The following KANK2 variants were observed in gnomAD, a reference collection of about 807,000 sequenced individuals.
KANK2 encodes the protein KN motif and ankyrin repeat domains 2.
In KANK2, 41 loss-of-function variants were observed where a neutral mutation model predicts 74.6. That is an observed-to-expected ratio of 0.55 (90% CI 0.43 to 0.71). The LOEUF (loss-of-function observed/expected upper bound fraction) is 0.71. KANK2 is among the 30% of genes least tolerant of loss of function. The pLI is 0.00. For missense variants in KANK2, 1,148 were observed against 1,196.4 expected (o/e 0.96, Z 0.60); for synonymous variants, 537 against 519.0 (o/e 1.03, Z -0.47).
At position 11,170,355 on chromosome 19, in the gene KANK2, C is replaced by G. The variant is rs1343998634; in HGVS notation, c.2212-107G>C. On this transcript the variant is annotated intron_variant, in intron 10 of 12. Coordinates refer to ENST00000586659, the MANE Select transcript of KANK2 (RefSeq NM_001136191.3). The surrounding 1 kb of genome is among the most constrained non-coding windows in gnomAD (Gnocchi z 5.2). ...CCACATACTCTGATGGTGAAATGTA[C>G]CCTCAACTTGCTGATCTCCTCCTGA... is the stretch of plus-strand genomic sequence containing the variant. 1.2e-6 allele frequency: 1 copy of G among 828,854 alleles called. No homozygotes were observed. The highest frequency in any genetic ancestry group is 2.6e-5 in the East Asian group (1 of 38,152). The allele number at this position is 828,854 out of a possible 1,614,324, so 51.3% of individuals were successfully genotyped here. A position where few individuals can be genotyped will look rare whatever the true frequency, so the allele number is the denominator to read the frequency against.
rs2078930631 is a variant in KANK2, at chr19:11,193,727, C to T, written c.353G>A (p.Gly118Asp). Residue 118 changes from glycine (G) to aspartate (D), a missense_variant, in exon 4 of 13, where the codon GGT becomes GAT. Physicochemically the swap from Gly to Asp is moderately conservative, Grantham distance 94. Transcript: ENST00000586659. The surrounding 1 kb of genome is among the most constrained non-coding windows in gnomAD (Gnocchi z 9.6). ...GCGCTCCACCCGCGGATTGAAGCCA[C>T]CGCGGGTCTCCAGAGCACCATACTG... is the stretch of plus-strand genomic sequence containing the variant. ...YPQYGALETR[G>D]GFNPRVERTL... 1.2e-6 allele frequency: 2 copies of T among 1,612,284 alleles called. No individual in the cohort carries two copies. Among genetic ancestry groups the T allele is most frequent in the African/African-American group, 2.7e-5 (2 of 74,910 alleles).
Position 11,194,010 on chromosome 19 carries a change from G to A in KANK2, c.70C>T (p.Pro24Ser). ...TPGPASPPAFPAKDPDPPYSV... is the reference protein window; with the variant it reads ...TPGPASPPAFSAKDPDPPYSV... ...TAGGGTGGATCGGGGTCCTTGGCAG[G>A]GAAGGCAGGTGGGGAGGCTGGGCCA... The change falls in exon 4 of 13, where the codon CCT (proline) becomes TCT (serine). Residue 24 changes from proline to serine, a missense_variant. By Grantham distance (74) the Pro-to-Ser change is moderately conservative. Coordinates refer to ENST00000586659, the MANE Select transcript of KANK2 (RefSeq NM_001136191.3). 6.2e-7 allele frequency: 1 copy of A among 1,611,816 alleles called. No homozygotes were observed.
At position 11,166,505 on chromosome 19, in the gene KANK2, G is replaced by A. The variant is rs2078025335; in HGVS notation, c.*53C>T. The A allele has an allele frequency of 1.2e-5, 19 of 1,532,094 alleles. No homozygotes were observed. Among genetic ancestry groups the A allele is most frequent in the Admixed American group, 3.3e-5 (2 of 59,802 alleles). 94.9% of individuals were successfully genotyped at this position (1,532,094 alleles called of 1,614,324 possible). The stretch of plus-strand genomic sequence containing the variant: ...GGAGGAACGGGAACAGGGAGGAGAC[G>A]GGGACAAGGGACGGTTTGCTCCCGG... On this transcript the variant is annotated 3_prime_UTR_variant, in exon 13 of 13. Transcript: ENST00000586659.
At chr19:11,191,598 C>A (rs2078847894) in intron 4 of KANK2, among the ~76,000 whole-genome samples, 2 of 152,198 alleles carry the variant, frequency 1.3e-5, no homozygotes, top group East Asian at 3.9e-4. Context: ...CAATGAGGGC[C>A]CCCTCTGGGA....
intron 12 of KANK2, among the ~76,000 whole-genome samples, chr19:11,167,279 G>A (rs1401671601): frequency 6.6e-6 from 1 of 152,014 alleles, no homozygotes; most frequent in East Asian, 1.9e-4. Context: ...TGGTCAGTCT[G>A]GTCTCAAACT....
At chr19:11,188,775 A>T (rs902205081) in intron 4 of KANK2, among the ~76,000 whole-genome samples, 3 of 151,994 alleles carry the variant, frequency 2.0e-5, no homozygotes, top group African/African-American at 7.2e-5. Context: ...CAAGGTTAGG[A>T]GTTCAAGACC....
intron 10 of KANK2, among the ~76,000 whole-genome samples, chr19:11,171,568 G>A (rs1600806828): frequency 6.6e-6 from 1 of 151,282 alleles, no homozygotes; most frequent in Non-Finnish European, 1.5e-5. Flanking sequence ...GTGGGGGGGT[G>A]TCTCTAGGTT....
At position 11,178,464 on chromosome 19, in the gene KANK2, C is replaced by A. The variant is rs567755939; in HGVS notation, c.1418-17G>T. 1.9e-6 allele frequency: 3 copies of A among 1,600,964 alleles called. No homozygotes were observed. Among genetic ancestry groups the A allele is most frequent in the Admixed American group, 1.7e-5 (1 of 57,400 alleles). ...GGGGCCCGCCTGGAGGGGAGGACAG[C>A]GGAGGTGCTGTGAGAGTCCTTCAGG... On this transcript the variant is annotated splice_polypyrimidine_tract_variant and intron_variant, in intron 5 of 12. Transcript: ENST00000586659.
At position 11,164,790 on chromosome 19, in the gene KANK2, T is replaced by C. The variant is rs2077987314; in HGVS notation, c.*1768A>G. 1 of 152,056 alleles carries C rather than the reference T, an allele frequency of 6.6e-6. No homozygotes were observed. Among genetic ancestry groups the C allele is most frequent in the South Asian group, 2.1e-4 (1 of 4,820 alleles). 9.4% of individuals were successfully genotyped at this position (152,056 alleles called of 1,614,324 possible). A position where few individuals can be genotyped will look rare whatever the true frequency, so the allele number is the denominator to read the frequency against. ...GTCTCCTTTGACCAGCCAAGCCCTA[T>C]TTTGTTTTACGTACATTCCCTTCAC... On this transcript the variant is annotated 3_prime_UTR_variant, in exon 13 of 13. Coordinates refer to ENST00000586659, the MANE Select transcript of KANK2 (RefSeq NM_001136191.3).
At chr19:11,183,658 T>C (rs535503022) in intron 4 of KANK2, among the ~76,000 whole-genome samples, 2 of 151,766 alleles carry the variant, frequency 1.3e-5, no homozygotes, top group Admixed American at 6.6e-5. Context: ...CCAGCTAATT[T>C]TTTTTTTTTT....
intron 4 of KANK2, among the ~76,000 whole-genome samples, chr19:11,188,341 T>G (rs1374011479): frequency 6.6e-6 from 1 of 151,880 alleles, no homozygotes. Flanking sequence ...CCCAAGTAGC[T>G]GGGATTACAG....
intron 4 of KANK2, among the ~76,000 whole-genome samples, chr19:11,178,972 G>A (rs114440814): frequency 1.4e-4 from 21 of 152,302 alleles, no homozygotes; most frequent in African/African-American, 5.1e-4. Flanking sequence ...GTCAGGGACA[G>A]GGACAACCCT....
rs74413701 is a variant in KANK2 at position 11,189,924 on chromosome 19, A to G, written c.1249+2907T>C. ...AACCTCAGGACCTGGTGTTTGGGATAGACACAGAACAGGCGGGTGGTGTCC... is the reference window on the plus strand; with the variant it reads ...AACCTCAGGACCTGGTGTTTGGGATGGACACAGAACAGGCGGGTGGTGTCC... On this transcript the variant is annotated intron_variant, in intron 4 of 12. Coordinates refer to ENST00000586659, the MANE Select transcript of KANK2 (RefSeq NM_001136191.3). Among the ~76,000 whole-genome samples the G allele has an allele frequency of 4.9e-3, 748 of 152,226 alleles. 7 individuals carry two copies. The highest frequency in any genetic ancestry group is 0.017 in the African/African-American group (702 of 41,526).
rs1036852423 is a variant in KANK2 at position 11,166,431 on chromosome 19, G to A, written c.*127C>T. The A allele has an allele frequency of 1.5e-5, 12 of 822,444 alleles. No individual in the cohort carries two copies. Among genetic ancestry groups the A allele is most frequent in the South Asian group, 4.7e-5 (3 of 63,290 alleles). The allele number at this position is 822,444 out of a possible 1,614,324, so 50.9% of individuals were successfully genotyped here. On this transcript the variant is annotated 3_prime_UTR_variant, in exon 13 of 13. Transcript: ENST00000586659. ...CCCCAGGGAAGCAGAGGGAGAGCTC[G>A]CTTGCCTTTGAGCCGTGGGCCTTGG...
At chr19:11,194,357 C>A in intron 3 of KANK2, 118 bp downstream of exon 3, 1 of 798,334 alleles carries the variant, frequency 1.3e-6, no homozygotes, top group Admixed American at 2.3e-5. Context: ...CTCCCTCAGA[C>A]CTCTAATTGT....
At chr19:11,172,376 C>T (rs2078202572) in intron 10 of KANK2, among the ~76,000 whole-genome samples, 1 of 152,220 alleles carries the variant, frequency 6.6e-6, no homozygotes, top group South Asian at 2.1e-4. Context: ...TATGCCCCGT[C>T]ACAGCTCCAT....
At chr19:11,190,153 T>TC (rs2078799683) in intron 4 of KANK2, among the ~76,000 whole-genome samples, 1 of 151,260 alleles carries the variant, frequency 6.6e-6, no homozygotes, top group Non-Finnish European at 1.5e-5. Context: ...TTTCTTTTTT[T>TC]TGAGATGGAG....
At chr19:11,186,975 T>G (rs1229111704) in intron 4 of KANK2, among the ~76,000 whole-genome samples, 2 of 151,318 alleles carry the variant, frequency 1.3e-5, no homozygotes, top group African/African-American at 2.4e-5. Flanking sequence ...GAGAAGAGGG[T>G]AGGTGGGTGG....
chr19:11,193,326 G>A lies in KANK2; in HGVS notation c.754C>T (p.Leu252Phe), dbSNP rs763092661. The change falls in exon 4 of 13, where the codon CTC (leucine) becomes TTC (phenylalanine). Residue 252 changes from leucine (L) to phenylalanine (F), a missense_variant. Coordinates refer to ENST00000586659, the MANE Select transcript of KANK2 (RefSeq NM_001136191.3). This position sits in a 1 kb window ranked among gnomAD's most constrained non-coding sequence, Gnocchi z 9.6. Reference sequence around the variant, plus strand: ...ACTGGGTCCTCTGGGGGATCGGGGAGGTCCAGGCAGAGCTCGCTGCGACCC... The same window carrying A: ...ACTGGGTCCTCTGGGGGATCGGGGAAGTCCAGGCAGAGCTCGCTGCGACCC... Reference protein sequence around the residue: ...GRGRSELCLDLPDPPEDPVAL... With the variant: ...GRGRSELCLDFPDPPEDPVAL... 7 of 1,612,730 alleles carry A rather than the reference G, an allele frequency of 4.3e-6. No individual in the cohort carries two copies. Among genetic ancestry groups the A allele is most frequent in the Non-Finnish European group, 5.9e-6 (7 of 1,179,936 alleles).
Sources: gnomAD v4.1 joint callset for allele counts (sites outside exome capture counted in the v4.1 genomes callset) on GRCh38, gnomAD v4.1.1 for gene constraint, Gnocchi (gnomAD v3.1) non-coding constraint, MANE v1.5 for transcripts, NCBI Gene and HGNC (gene_info 2026-07-23, HGNC 2026-07-21) for gene names.